The following CERS3 variants were observed in gnomAD, a reference collection of about 807,000 sequenced individuals.
The protein encoded by CERS3 is LAG1 homolog, ceramide synthase 3.
Under a neutral mutation model 50.3 loss-of-function variants are expected in CERS3, and 33 were observed. The ratio of observed to expected loss-of-function variants is 0.66; its 90% CI spans 0.50 to 0.88. The LOEUF (loss-of-function observed/expected upper bound fraction) is 0.88. CERS3 is among the 40% of genes least tolerant of loss of function. The probability of loss-of-function intolerance (pLI) is 0.00; values close to 1 mark genes in which losing one functional copy is unlikely to be tolerated. For synonymous variants in CERS3, 176 were observed against 155.2 expected (o/e 1.13, Z -0.99); for missense variants, 470 against 460.3 (o/e 1.02, Z -0.19).
chr15:100,532,252 G>T (rs761453549), upstream of CERS3, among the ~76,000 whole-genome samples: 22 of 152,128 alleles, frequency 1.4e-4, 1 homozygote, highest in South Asian at 2.1e-4. Context: ...ACCTAATTTC[G>T]TAGAGAAGAA....
rs769027256 is a variant in CERS3 at position 100,479,487 on chromosome 15, A to G, written c.466-9T>C. Reference sequence around the variant, plus strand: ...TCATATAGCCAAGGTTTCTGAAAGAAGAAAAAAAAAAAGAGCCAACAGATG... The same window carrying G: ...TCATATAGCCAAGGTTTCTGAAAGAGGAAAAAAAAAAAGAGCCAACAGATG... On this transcript the variant is annotated splice_polypyrimidine_tract_variant and intron_variant, in intron 6 of 11. Transcript: ENST00000679737. The G allele has an allele frequency of 4.4e-6, 7 of 1,586,204 alleles. No homozygotes were observed. Among genetic ancestry groups the G allele is most frequent in the Non-Finnish European group, 6.0e-6 (7 of 1,170,464 alleles).
At chr15:100,439,004 T>C (rs8034915) in intron 11 of CERS3, among the ~76,000 whole-genome samples, 24 of 152,352 alleles carry the variant, frequency 1.6e-4, no homozygotes, top group Admixed American at 6.5e-4. Context: ...AAGATGAGTG[T>C]CAGCCTGTCA....
At chr15:100,436,726 G>A (rs1395049352) in intron 11 of CERS3, among the ~76,000 whole-genome samples, 1 of 152,008 alleles carries the variant, frequency 6.6e-6, no homozygotes, top group Non-Finnish European at 1.5e-5. Flanking sequence ...CATAGTGATA[G>A]GACACCAGCT....
At chr15:100,487,171 A>C (rs2035512589) in intron 4 of CERS3, among the ~76,000 whole-genome samples, 1 of 152,256 alleles carries the variant, frequency 6.6e-6, no homozygotes, top group South Asian at 2.1e-4. Context: ...ATAGTGCAAG[A>C]TGTCATGGGA....
intron 9 of CERS3, among the ~76,000 whole-genome samples, chr15:100,471,581 T>A (rs2142242610): frequency 6.6e-6 from 1 of 152,338 alleles, no homozygotes; most frequent in East Asian, 1.9e-4. Context: ...CAGTGTGGTC[T>A]TAATCTTCTG....
intron 11 of CERS3, among the ~76,000 whole-genome samples, chr15:100,447,999 A>G (rs2034005308): frequency 6.6e-6 from 1 of 152,248 alleles, no homozygotes; most frequent in African/African-American, 2.4e-5. Context: ...ATGTTTTCAG[A>G]AACAAAGCAT....
rs573661781 is a variant in CERS3, at chr15:100,486,484, T to G, written c.289-1816A>C. ...AGGGATTAGAATGTGCTAATGAAAC[T>G]ACTGAGTGCCGTGTCAGTGCTAGAG... On this transcript the variant is annotated intron_variant, in intron 4 of 11. Transcript: ENST00000679737. 1.6e-3 allele frequency among the ~76,000 whole-genome samples: 243 copies of G among 152,338 alleles called. 5 individuals are homozygous for G. In the South Asian group the frequency reaches 0.047, roughly 30 times the overall value.
chr15:100,464,654 A>T (rs1464401350), intron 10 of CERS3, among the ~76,000 whole-genome samples: 3 of 152,356 alleles, frequency 2.0e-5, no homozygotes, highest in Middle Eastern at 6.8e-3. Context: ...GAGTATTTGG[A>T]TAATGCTCAA....
intron 2 of CERS3, among the ~76,000 whole-genome samples, chr15:100,515,927 G>A (rs938494194): frequency 1.3e-5 from 2 of 152,008 alleles, no homozygotes; most frequent in African/African-American, 2.4e-5. Context: ...CTCCTCCCTC[G>A]CCTGGTGAGT....
intron 3 of CERS3, among the ~76,000 whole-genome samples, chr15:100,498,039 A>G (rs2035883218): frequency 6.6e-6 from 1 of 151,768 alleles, no homozygotes; most frequent in Non-Finnish European, 1.5e-5. Context: ...GACTACAGGC[A>G]TGTGCCAACA....
rs2034888522 is a variant in CERS3 at position 100,469,394 on chromosome 15, T to A, written c.829A>T (p.Ile277Phe). The change falls in exon 10 of 12, where the codon ATT (isoleucine) becomes TTT (phenylalanine). Residue 277 changes from isoleucine to phenylalanine, a missense_variant. Coordinates refer to ENST00000679737, the MANE Select transcript of CERS3 (RefSeq NM_001378789.1). The part of the protein sequence containing the change: ...FSTIFFISRL[I>F]VFPFWILYCT... ...TCTACTCACCAGAAAGGAAAAACAATGAGGCGGCTGATGAAAAATATGGTG... is the reference window on the plus strand; with the variant it reads ...TCTACTCACCAGAAAGGAAAAACAAAGAGGCGGCTGATGAAAAATATGGTG... The A allele has an allele frequency of 1.9e-6, 3 of 1,613,534 alleles. No individual in the cohort carries two copies. In the Admixed American group the frequency reaches 5.0e-5, roughly 27 times the overall value.
At chr15:100,448,757 A>G (rs117017288) in intron 11 of CERS3, among the ~76,000 whole-genome samples, 2,588 of 152,322 alleles carry the variant, frequency 0.017, 32 homozygotes, top group East Asian at 0.035. Flanking sequence ...GTAACTATTG[A>G]CAGTGGCCCT....
At chr15:100,534,416 C>G (rs952051565) in intron 1 of CERS3, among the ~76,000 whole-genome samples, 2 of 151,902 alleles carry the variant, frequency 1.3e-5, no homozygotes, top group Non-Finnish European at 2.9e-5. Context: ...AGAACAATAC[C>G]TGGCTCAGAG....
At chr15:100,465,892 C>T (rs1327699069) in intron 10 of CERS3, among the ~76,000 whole-genome samples, 1 of 152,140 alleles carries the variant, frequency 6.6e-6, no homozygotes, top group Non-Finnish European at 1.5e-5. Context: ...CTCCTGACCT[C>T]AGGTGATCCT....
At chr15:100,411,253 C>G (rs1244960414) in intron 11 of CERS3, among the ~76,000 whole-genome samples, 1 of 152,130 alleles carries the variant, frequency 6.6e-6, no homozygotes, top group Non-Finnish European at 1.5e-5. Flanking sequence ...ACCTCGCCTC[C>G]CTGGTACAAG....
At chr15:100,482,844 C>T (rs1225350820) in intron 5 of CERS3, among the ~76,000 whole-genome samples, 1 of 152,148 alleles carries the variant, frequency 6.6e-6, no homozygotes, top group Non-Finnish European at 1.5e-5. Context: ...GTAACTCATG[C>T]TGTGATTTCT....
rs1290249363 is a variant in CERS3, at chr15:100,466,781, C to T, written c.845+2597G>A. Among the ~76,000 whole-genome samples, 78 of 23,032 alleles carry T rather than the reference C, an allele frequency of 3.4e-3. 3 individuals carry two copies. Among genetic ancestry groups the T allele is most frequent in the Middle Eastern group, 0.025 (1 of 40 alleles). The allele number at this position is 23,032 out of a possible 152,430, so 15.1% of individuals were successfully genotyped here. ...CCTTCCTTCCTTCCTTCCTTCCTTCCTTCCTTCCTTCCTCCCTCCCTCCCT... is the reference window on the plus strand; with the variant it reads ...CCTTCCTTCCTTCCTTCCTTCCTTCTTTCCTTCCTTCCTCCCTCCCTCCCT... On this transcript the variant is annotated intron_variant, in intron 10 of 11. Transcript: ENST00000679737.
chr15:100,418,110 G>T (rs549280985), intron 11 of CERS3, among the ~76,000 whole-genome samples: 3 of 152,032 alleles, frequency 2.0e-5, no homozygotes, highest in South Asian at 2.1e-4. Flanking sequence ...AGAGAAGAAG[G>T]CTTCAGACGA....
At chr15:100,472,683 C>A (rs536423154) in intron 9 of CERS3, among the ~76,000 whole-genome samples, 1 of 152,142 alleles carries the variant, frequency 6.6e-6, no homozygotes, top group Non-Finnish European at 1.5e-5. Context: ...GTGCATGCAA[C>A]CTTCAGGAGT....
Sources: gnomAD v4.1 joint callset for allele counts (sites outside exome capture counted in the v4.1 genomes callset) on GRCh38, gnomAD v4.1.1 for gene constraint, MANE v1.5 for transcripts, NCBI Gene and HGNC (gene_info 2026-07-23, HGNC 2026-07-21) for gene names.